NCKAP5: variants seen among roughly 807,000 people sequenced by gnomAD.
NCKAP5 encodes NCK associated protein 5, also known as nck-associated protein 5.
Under a neutral mutation model 167.0 loss-of-function variants are expected in NCKAP5, and 92 were observed. That is an observed-to-expected ratio of 0.55 (90% confidence interval 0.47 to 0.66). NCKAP5 has a LOEUF of 0.66. Ranked by LOEUF, NCKAP5 falls within the 30% of genes least tolerant of loss-of-function variation. The pLI is 0.00. For synonymous variants in NCKAP5, 891 were observed against 877.4 expected (o/e 1.02, Z -0.27); for missense variants, 2,378 against 2,315.0 (o/e 1.03, Z -0.56).
chr2:133,466,333 T>C (rs1409110548), intron 3 of NCKAP5, among the ~76,000 whole-genome samples: 3 of 149,948 alleles, frequency 2.0e-5, no homozygotes, highest in Admixed American at 1.3e-4. Flanking sequence ...TATGCGGCAT[T>C]ATTTCTGAGG....
chr2:132,834,498 C>T (rs1271038463), intron 11 of NCKAP5, among the ~76,000 whole-genome samples: 1 of 152,176 alleles, frequency 6.6e-6, no homozygotes, highest in African/African-American at 2.4e-5. Flanking sequence ...GCACCCACCA[C>T]CATGCCTGGC....
intron 6 of NCKAP5, among the ~76,000 whole-genome samples, chr2:133,087,027 A>T (rs914810607): frequency 1.3e-5 from 2 of 152,170 alleles, no homozygotes; most frequent in Admixed American, 6.5e-5. Context: ...ACCAAGGAGA[A>T]TTCTCAGACA....
chr2:133,144,015 A>G (rs1374722077), intron 5 of NCKAP5, among the ~76,000 whole-genome samples: 2 of 152,072 alleles, frequency 1.3e-5, no homozygotes, highest in African/African-American at 4.8e-5. Context: ...CCTTTCCAGG[A>G]CCTTGTTAGA....
chr2:133,227,864 G>A (rs2086965111), intron 4 of NCKAP5, among the ~76,000 whole-genome samples: 1 of 152,188 alleles, frequency 6.6e-6, no homozygotes, highest in African/African-American at 2.4e-5. Flanking sequence ...TAAGAAAGGG[G>A]AGGTATTTAT....
At chr2:133,008,713 A>ATAT (rs1333590213) in intron 6 of NCKAP5, among the ~76,000 whole-genome samples, 1 of 152,214 alleles carries the variant, frequency 6.6e-6, no homozygotes, top group African/African-American at 2.4e-5. Context: ...GTCTGTCTAG[A>ATAT]TATTTAATAG....
chr2:133,617,001 C>G, the NCKAP5 span, among the ~76,000 whole-genome samples: 12 of 152,228 alleles, frequency 7.9e-5, no homozygotes, highest in African/African-American at 2.9e-4. Context: ...GTTCAATATA[C>G]GGAAATCAAT....
the NCKAP5 span, among the ~76,000 whole-genome samples, chr2:133,596,563 G>T: frequency 6.6e-6 from 1 of 152,180 alleles, no homozygotes. Context: ...GGATGTGGGG[G>T]ATACAGTAGA....
chr2:132,770,833 T>C (rs1681979651), intron 16 of NCKAP5, among the ~76,000 whole-genome samples: 1 of 152,212 alleles, frequency 6.6e-6, no homozygotes, highest in East Asian at 1.9e-4. Context: ...AAGATTATAA[T>C]GAAGCTGAAA....
intron 4 of NCKAP5, among the ~76,000 whole-genome samples, chr2:133,271,982 T>C (rs1201656206): frequency 6.6e-6 from 1 of 152,272 alleles, no homozygotes; most frequent in Non-Finnish European, 1.5e-5. Flanking sequence ...ATTTTATTAT[T>C]CTGGTCTTTT....
At chr2:133,042,368 TGGGA>T (rs946260154) in intron 6 of NCKAP5, among the ~76,000 whole-genome samples, 9 of 152,040 alleles carry the variant, frequency 5.9e-5, no homozygotes, top group Non-Finnish European at 8.8e-5. Flanking sequence ...GTAGCCTGGG[TGGGA>T]GGATGTATGC....
rs13389113 is a variant in NCKAP5 at position 133,479,301 on chromosome 2, A to T, written c.69+38157T>A. 7.0e-3 allele frequency among the ~76,000 whole-genome samples: 1,070 copies of T among 152,362 alleles called. 18 individuals carry two copies. Among genetic ancestry groups the T allele is most frequent in the African/African-American group, 0.025 (1,019 of 41,584 alleles). On this transcript the variant is annotated intron_variant, in intron 3 of 19. Coordinates refer to ENST00000409261, the MANE Select transcript of NCKAP5 (RefSeq NM_207363.3). ...TTACATACTTAATCAGTTTACTTTA[A>T]CATAATCCTTATGAATTTATAAGGT...
intron 4 of NCKAP5, among the ~76,000 whole-genome samples, chr2:133,281,569 C>T (rs1240204134): frequency 6.6e-6 from 1 of 152,120 alleles, no homozygotes; most frequent in Admixed American, 6.5e-5. Context: ...ATAATGAAAG[C>T]TGAAATTGAT....
chr2:133,397,364 A>G (rs1203279430), intron 3 of NCKAP5, among the ~76,000 whole-genome samples: 3 of 152,230 alleles, frequency 2.0e-5, no homozygotes, highest in Non-Finnish European at 4.4e-5. Context: ...ATTCAATGAT[A>G]TAATTAAGTA....
At chr2:132,733,024 C>G (rs184886646) in intron 16 of NCKAP5, among the ~76,000 whole-genome samples, 14 of 152,310 alleles carry the variant, frequency 9.2e-5, no homozygotes, top group Non-Finnish European at 1.3e-4. Flanking sequence ...AGGGATCCCA[C>G]TATTCTCTAG....
chr2:133,184,355 T>A (rs949395984), intron 5 of NCKAP5, among the ~76,000 whole-genome samples: 5 of 152,174 alleles, frequency 3.3e-5, no homozygotes, highest in African/African-American at 7.2e-5. Flanking sequence ...CTTTTCTTTA[T>A]CCAATCCACC....
At chr2:132,810,166 T>C (rs147372532) in intron 11 of NCKAP5, among the ~76,000 whole-genome samples, 5 of 152,340 alleles carry the variant, frequency 3.3e-5, no homozygotes, top group Non-Finnish European at 7.4e-5. Context: ...GTTAATCTTA[T>C]AGGCTTTCCT....
chr2:132,826,128 C>T (rs1397643543), intron 11 of NCKAP5, among the ~76,000 whole-genome samples: 1 of 152,152 alleles, frequency 6.6e-6, no homozygotes, highest in African/African-American at 2.4e-5. Context: ...CTTTGCTCTC[C>T]ATGAATGTGT....
chr2:133,202,390 A>C (rs1169305493), intron 5 of NCKAP5, among the ~76,000 whole-genome samples: 1 of 152,060 alleles, frequency 6.6e-6, no homozygotes. Context: ...ATTAATTCAA[A>C]ATGGATTAAA....
intron 3 of NCKAP5, among the ~76,000 whole-genome samples, chr2:133,396,627 TC>T (rs1031603483): frequency 1.3e-5 from 2 of 151,712 alleles, no homozygotes; most frequent in East Asian, 3.9e-4. Context: ...GTGTCCAAGT[TC>T]CCCCCTTTTT....
Sources: allele counts gnomAD v4.1 joint callset (sites outside exome capture counted in the v4.1 genomes callset), GRCh38; gene constraint gnomAD v4.1.1; transcripts MANE v1.5; gene names NCBI Gene and HGNC (gene_info 2026-07-23, HGNC 2026-07-21).